GTF2F2: variants seen among roughly 807,000 people sequenced by gnomAD.
GTF2F2 encodes ATP-dependent helicase GTF2F2.
In GTF2F2, 23 loss-of-function variants were observed where a neutral mutation model predicts 42.2. That is an observed-to-expected ratio of 0.55 (90% CI 0.39 to 0.77). The LOEUF (loss-of-function observed/expected upper bound fraction) is 0.77, where lower values mean the gene tolerates loss of function less well. Ranked by LOEUF, GTF2F2 falls within the 30% of genes least tolerant of loss-of-function variation. GTF2F2 has a pLI of 0.00. For missense variants in GTF2F2, 261 were observed against 287.2 expected (o/e 0.91, Z 0.66); for synonymous variants, 105 against 100.8 (o/e 1.04, Z -0.25).
rs397950608 is a variant in GTF2F2 at position 45,174,634 on chromosome 13, CTTTTTTT to C, written c.304+22818_304+22824del. On this transcript the variant is annotated intron_variant, in intron 4 of 7. Coordinates refer to ENST00000340473, the MANE Select transcript of GTF2F2 (RefSeq NM_004128.3). ...TTCATGGAGCACTGTTTTCTTTTTTCTTTTTTTTTTTTTTTTTTTTTAGAAATAATAG... is the reference window on the plus strand; with the variant it reads ...TTCATGGAGCACTGTTTTCTTTTTTCTTTTTTTTTTTTTTAGAAATAATAG... 2.0e-3 allele frequency among the ~76,000 whole-genome samples: 164 copies of C among 81,472 alleles called. 1 individual carries two copies. Among genetic ancestry groups the C allele is most frequent in the African/African-American group, 6.5e-3 (140 of 21,502 alleles). 53.4% of individuals were successfully genotyped at this position (81,472 alleles called of 152,430 possible).
intron 4 of GTF2F2, among the ~76,000 whole-genome samples, chr13:45,184,147 T>C (rs58896362): frequency 0.012 from 1,820 of 152,194 alleles, 39 homozygotes; most frequent in African/African-American, 0.037. Context: ...CCTCTTATTC[T>C]TTTGGCTCAT....
At chr13:45,214,035 C>T (rs1449504649) in intron 5 of GTF2F2, among the ~76,000 whole-genome samples, 1 of 150,498 alleles carries the variant, frequency 6.6e-6, no homozygotes, top group Non-Finnish European at 1.5e-5. Context: ...AGTCGCTTTT[C>T]TTTAATCAGT....
intron 1 of GTF2F2, chr13:45,124,079 T>TA: frequency 1.1e-6 from 1 of 923,532 alleles, no homozygotes. Context: ...TTCATTGTCT[T>TA]ACCAGGAAAT....
chr13:45,222,141 A>G (rs540860707), intron 5 of GTF2F2, among the ~76,000 whole-genome samples: 2 of 152,292 alleles, frequency 1.3e-5, no homozygotes, highest in African/African-American at 4.8e-5. Flanking sequence ...TTAATTAATT[A>G]ATTATGACAT....
Position 45,207,423 on chromosome 13 carries a change from G to C in GTF2F2, c.305-1G>C, listed in dbSNP as rs761688676. On this transcript the variant is annotated splice_acceptor_variant, in intron 4 of 7. Coordinates refer to ENST00000340473, the MANE Select transcript of GTF2F2 (RefSeq NM_004128.3). LOFTEE classifies it high-confidence loss of function. ...TGAATCCTTTTTTTTTTCCATTCAA[G>C]ATAAGCTGTCATTGGAAGGAATAGT... is the stretch of plus-strand genomic sequence containing the variant. 2 of 1,583,176 alleles carry C rather than the reference G, an allele frequency of 1.3e-6. No individual in the cohort carries two copies. Among genetic ancestry groups the C allele is most frequent in the East Asian group, 4.5e-5 (2 of 44,686 alleles).
At chr13:45,156,087 A>T (rs1870743888) in intron 4 of GTF2F2, among the ~76,000 whole-genome samples, 1 of 152,062 alleles carries the variant, frequency 6.6e-6, no homozygotes, top group Admixed American at 6.6e-5. Context: ...GGCGTGCACC[A>T]CCATGTCTGG....
At chr13:45,150,115 A>C (rs1037532376) in intron 3 of GTF2F2, among the ~76,000 whole-genome samples, 2 of 152,224 alleles carry the variant, frequency 1.3e-5, no homozygotes, top group Non-Finnish European at 2.9e-5. Flanking sequence ...AGAACTTTAG[A>C]TTCTGACCCA....
At chr13:45,164,867 A>G (rs117928650) in intron 4 of GTF2F2, among the ~76,000 whole-genome samples, 1 of 152,252 alleles carries the variant, frequency 6.6e-6, no homozygotes, top group Non-Finnish European at 1.5e-5. Context: ...TTAGAGACCT[A>G]CACTTGAACT....
rs1368005603 is a variant in GTF2F2, at chr13:45,128,170, T to C, written c.66+7449T>C. On this transcript the variant is annotated intron_variant, in intron 1 of 7. Transcript: ENST00000340473. The stretch of plus-strand genomic sequence containing the variant: ...AGAGATGGGGTTTCACCATGTTAGC[T>C]AGGATGGTCTTGATCTCCTGACCTC... Among the ~76,000 whole-genome samples the C allele has an allele frequency of 1.5e-4, 21 of 141,296 alleles. 1 individual carries two copies. The highest frequency in any genetic ancestry group is 4.9e-4 in the African/African-American group (19 of 38,678). The allele number at this position is 141,296 out of a possible 152,430, so 92.7% of individuals were successfully genotyped here.
At chr13:45,177,420 T>G (rs1379667349) in intron 4 of GTF2F2, among the ~76,000 whole-genome samples, 1 of 152,126 alleles carries the variant, frequency 6.6e-6, no homozygotes, top group Non-Finnish European at 1.5e-5. Context: ...ATACCAAAGT[T>G]TTAAACTGTA....
intron 1 of GTF2F2, among the ~76,000 whole-genome samples, chr13:45,128,025 A>G (rs1304308751): frequency 8.0e-6 from 1 of 125,216 alleles, no homozygotes; most frequent in Non-Finnish European, 1.6e-5. Flanking sequence ...CAGTGGCGCG[A>G]TCTCGACTCA....
intron 5 of GTF2F2, among the ~76,000 whole-genome samples, chr13:45,223,935 A>G (rs1874222846): frequency 6.6e-6 from 1 of 152,226 alleles, no homozygotes; most frequent in Non-Finnish European, 1.5e-5. Context: ...CAAAATAGTT[A>G]CTAAACTCCT....
chr13:45,274,431 A>G (rs56214706), intron 7 of GTF2F2, among the ~76,000 whole-genome samples: 18,999 of 149,824 alleles, frequency 0.13, 2,107 homozygotes, highest in African/African-American at 0.3. Context: ...GGTTCAGGCA[A>G]TTCTCCTGCC....
chr13:45,247,684 C>T (rs530559187), intron 5 of GTF2F2, among the ~76,000 whole-genome samples: 8 of 151,758 alleles, frequency 5.3e-5, no homozygotes, highest in African/African-American at 1.4e-4. Flanking sequence ...CCACTGTGCC[C>T]GGCCACCTGT....
At chr13:45,224,877 T>C (rs1874264384) in intron 5 of GTF2F2, among the ~76,000 whole-genome samples, 1 of 152,254 alleles carries the variant, frequency 6.6e-6, no homozygotes, top group Admixed American at 6.5e-5. Context: ...TCAATGTATG[T>C]TCATGAAGCC....
intron 7 of GTF2F2, among the ~76,000 whole-genome samples, chr13:45,271,710 C>A (rs1200596974): frequency 2.0e-5 from 3 of 152,102 alleles, no homozygotes; most frequent in Admixed American, 6.6e-5. Context: ...CACCACCATG[C>A]CTGGCTAATA....
intron 4 of GTF2F2, among the ~76,000 whole-genome samples, chr13:45,154,183 CT>C (rs370034627): frequency 6.6e-6 from 1 of 151,630 alleles, no homozygotes; most frequent in Non-Finnish European, 1.5e-5. Context: ...GAAACTTGAA[CT>C]TTTTTTTGTA....
intron 5 of GTF2F2, among the ~76,000 whole-genome samples, chr13:45,242,301 A>G (rs1875356687): frequency 8.1e-6 from 1 of 122,934 alleles, no homozygotes; most frequent in East Asian, 2.3e-4. Flanking sequence ...TGGGCCAAGT[A>G]TGTGTGCTCT....
intron 2 of GTF2F2, among the ~76,000 whole-genome samples, chr13:45,137,742 T>C (rs1399649505): frequency 6.6e-6 from 1 of 152,238 alleles, no homozygotes; most frequent in East Asian, 1.9e-4. Context: ...CTAAAGTCCT[T>C]TTGACCAAAG....
Sources: allele counts gnomAD v4.1 joint callset (sites outside exome capture counted in the v4.1 genomes callset), GRCh38; gene constraint gnomAD v4.1.1; transcripts MANE v1.5; gene names NCBI Gene and HGNC (gene_info 2026-07-23, HGNC 2026-07-21).